The following ATP8B1 variants were observed in gnomAD, a reference collection of about 807,000 sequenced individuals.
ATP8B1 encodes the protein phospholipid-transporting ATPase IC.
Under a neutral mutation model 149.9 loss-of-function variants are expected in ATP8B1, and 80 were observed. The ratio of observed to expected loss-of-function variants is 0.53; its 90% CI spans 0.45 to 0.64. The LOEUF (loss-of-function observed/expected upper bound fraction) is 0.64. Ranked by LOEUF, ATP8B1 falls within the 30% of genes least tolerant of loss-of-function variation. The pLI is 0.00. For missense variants in ATP8B1, 1,247 were observed against 1,552.6 expected, an observed-to-expected ratio of 0.80 and a Z score of 3.31; for synonymous variants, 536 against 562.8, an observed-to-expected ratio of 0.95 and a Z score of 0.67.
chr18:57,676,150 T>TTCTC (rs1911571646), intron 15 of ATP8B1, among the ~76,000 whole-genome samples: 1 of 152,068 alleles, frequency 6.6e-6, no homozygotes, highest in African/African-American at 2.4e-5. Context: ...AAAAAGTATG[T>TTCTC]TTTCTTTCTT....
intron 1 of ATP8B1, among the ~76,000 whole-genome samples, chr18:57,796,350 A>G (rs2080515384): frequency 6.6e-6 from 1 of 152,164 alleles, no homozygotes; most frequent in African/African-American, 2.4e-5. Context: ...TACTGTAACA[A>G]AAGTTCTGGA....
At chr18:57,786,077 A>G (rs561806099) in intron 1 of ATP8B1, among the ~76,000 whole-genome samples, 186 of 152,280 alleles carry the variant, frequency 1.2e-3, no homozygotes, top group Admixed American at 1.9e-3. Flanking sequence ...CATGTTTCTG[A>G]CTTTACTATT....
intron 22 of ATP8B1, among the ~76,000 whole-genome samples, chr18:57,658,627 T>TGTGTGTG (rs1910170008): frequency 4.1e-5 from 6 of 144,988 alleles, no homozygotes; most frequent in African/African-American, 1.5e-4. Context: ...AACAATTTCT[T>TGTGTGTG]TGTGTGTGTG....
At chr18:57,716,972 A>ATC (rs34431903) in intron 2 of ATP8B1, among the ~76,000 whole-genome samples, 43,437 of 152,032 alleles carry the variant, frequency 0.29, 6,617 homozygotes, top group East Asian at 0.54. Context: ...AATATCAAAC[A>ATC]TCTGACTGAC....
At chr18:57,752,366 C>T (rs1310167729) in intron 1 of ATP8B1, among the ~76,000 whole-genome samples, 1 of 152,116 alleles carries the variant, frequency 6.6e-6, no homozygotes, top group East Asian at 1.9e-4. Context: ...AATCCCAGCT[C>T]TAAGGCCTGC....
intron 21 of ATP8B1, 121 bp downstream of exon 21, chr18:57,662,362 C>T (rs547042042): frequency 1.6e-6 from 2 of 1,238,926 alleles, no homozygotes; most frequent in Admixed American, 4.2e-5. Flanking sequence ...AAAAACCACA[C>T]TTTCATGTAT....
intron 1 of ATP8B1, among the ~76,000 whole-genome samples, chr18:57,763,841 C>A (rs1451979718): frequency 6.6e-6 from 1 of 152,132 alleles, no homozygotes; most frequent in Admixed American, 6.5e-5. Flanking sequence ...TTTTGCTTAG[C>A]TGGGTAGTTT....
At chr18:57,736,449 AC>A (rs1280944045) in intron 1 of ATP8B1, among the ~76,000 whole-genome samples, 2 of 87,486 alleles carry the variant, frequency 2.3e-5, no homozygotes, top group African/African-American at 7.8e-5. Flanking sequence ...ATAAAGTTTT[AC>A]TAGTTTTTTT....
intron 20 of ATP8B1, among the ~76,000 whole-genome samples, chr18:57,663,270 CT>C (rs1313366919): frequency 6.6e-6 from 1 of 152,066 alleles, no homozygotes; most frequent in African/African-American, 2.4e-5. Flanking sequence ...AATTTCCTTC[CT>C]TTTTAAAGTT....
At position 57,651,956 on chromosome 18, in the gene ATP8B1, A is replaced by G. The variant is rs34588995; in HGVS notation, c.3400+78T>C. 210 of 1,524,210 alleles carry G rather than the reference A, an allele frequency of 1.4e-4. 1 individual carries two copies. In the East Asian group the frequency reaches 3.5e-3, roughly 25 times the overall value. The allele number at this position is 1,524,210 out of a possible 1,614,324, so 94.4% of individuals were successfully genotyped here. A position where few individuals can be genotyped will look rare whatever the true frequency, so the allele number is the denominator to read the frequency against. On this transcript the variant is annotated intron_variant, in intron 26 of 27. Transcript: ENST00000648908. ...GCCATTCCACCTTGTATATTTTATT[A>G]CTTAACAGAAGTTATGTCAAAATCT...
intron 1 of ATP8B1, chr18:57,755,481 A>G (rs1263670554): frequency 6.6e-6 from 1 of 152,218 alleles, no homozygotes; most frequent in Non-Finnish European, 1.5e-5. Context: ...ACACAAATTC[A>G]TGAAGCATTC....
At chr18:57,776,683 C>T (rs2080308186) in intron 1 of ATP8B1, among the ~76,000 whole-genome samples, 1 of 142,826 alleles carries the variant, frequency 7.0e-6, no homozygotes. Context: ...GGAACCAAGT[C>T]ACTAAAAAAA....
At chr18:57,741,020 T>A (rs1796795034) in intron 1 of ATP8B1, 1 of 152,344 alleles carries the variant, frequency 6.6e-6, no homozygotes, top group Non-Finnish European at 1.5e-5. Context: ...CACTGCAACC[T>A]CCACTTCCCT....
intron 1 of ATP8B1, among the ~76,000 whole-genome samples, chr18:57,764,910 A>G (rs2080196911): frequency 6.6e-6 from 1 of 152,220 alleles, no homozygotes; most frequent in Non-Finnish European, 1.5e-5. Flanking sequence ...TAGAATTACC[A>G]TAGGATCTAG....
chr18:57,793,895 C>T (rs1050743260), intron 1 of ATP8B1, among the ~76,000 whole-genome samples: 37 of 152,344 alleles, frequency 2.4e-4, no homozygotes, highest in African/African-American at 8.7e-4. Context: ...TCACCATTCA[C>T]AGCCTAAGGT....
At chr18:57,733,471 C>A (rs1457647407) in intron 1 of ATP8B1, among the ~76,000 whole-genome samples, 3 of 152,060 alleles carry the variant, frequency 2.0e-5, no homozygotes, top group Non-Finnish European at 2.9e-5. Context: ...CTTTGGGAGG[C>A]CGAGGTGGGC....
intron 12 of ATP8B1, among the ~76,000 whole-genome samples, chr18:57,689,972 C>T (rs545526812): frequency 2.6e-5 from 4 of 152,248 alleles, no homozygotes; most frequent in South Asian, 4.1e-4. Flanking sequence ...GCTGAGATCG[C>T]GCGACTGCAC....
rs147642236 is a variant in ATP8B1 at position 57,684,168 on chromosome 18, A to G, written c.1498T>C (p.Tyr500His). ...IEQVDFSWNTYADGKLAFYDH... is the reference protein window; with the variant it reads ...IEQVDFSWNTHADGKLAFYDH... ...TAAAATGCAAGCTTCCCATCAGCAT[A>G]TGTATTCCAGCTAAAATCAACTTGC... The change falls in exon 15 of 28, where the codon TAT becomes CAT. Residue 500 changes from tyrosine (Y) to histidine (H), a missense_variant. Tyr to His is a moderately conservative substitution (Grantham distance 83). Around this residue, in one of 3 missense-constraint regions of ATP8B1, gnomAD observed 853 missense variants for 1,035.7 expected, o/e 0.82. Transcript: ENST00000648908. 6.6e-4 allele frequency: 1,073 copies of G among 1,614,062 alleles called. 3 individuals carry two copies. Among genetic ancestry groups the G allele is most frequent in the Admixed American group, 1.3e-3 (78 of 60,014 alleles).
intron 1 of ATP8B1, among the ~76,000 whole-genome samples, chr18:57,770,436 T>C (rs922244720): frequency 5.9e-5 from 9 of 152,238 alleles, no homozygotes; most frequent in African/African-American, 2.2e-4. Flanking sequence ...CTATATGCAA[T>C]GGCACCACAG....
Sources: allele counts gnomAD v4.1 joint callset (sites outside exome capture counted in the v4.1 genomes callset), GRCh38; gene constraint gnomAD v4.1.1; regional missense constraint gnomAD v4.1.1; transcripts MANE v1.5; gene names NCBI Gene and HGNC (gene_info 2026-07-23, HGNC 2026-07-21).